Variants in LINGO2 observed in about 807,000 individuals in gnomAD.
LINGO2 encodes the protein leucine-rich repeat and immunoglobulin-like domain-containing nogo receptor-interacting protein 2.
A neutral mutation model predicts 30.6 loss-of-function variants in LINGO2; 14 were observed. The observed-to-expected ratio is 0.46, with a 90% CI of 0.30 to 0.72. LINGO2 has a LOEUF of 0.72. Among genes scored for constraint, LINGO2 ranks in the 30% least tolerant of loss-of-function variants. The pLI, the probability that LINGO2 is intolerant of heterozygous loss-of-function variation, is 0.07. For synonymous variants in LINGO2, 317 were observed against 288.5 expected (o/e 1.10, Z -1.00); for missense variants, 729 against 751.7 (o/e 0.97, Z 0.35).
chr9:28,986,215 T>C, the LINGO2 span, among the ~76,000 whole-genome samples: 2 of 151,778 alleles, frequency 1.3e-5, no homozygotes, highest in East Asian at 3.9e-4. Flanking sequence ...CACTGGCTGA[T>C]GTGTGTGTGT....
the LINGO2 span, among the ~76,000 whole-genome samples, chr9:28,942,902 T>C: frequency 6.6e-6 from 1 of 152,174 alleles, no homozygotes; most frequent in Non-Finnish European, 1.5e-5. Flanking sequence ...ATGTGATCAT[T>C]ACATTTATCT....
At chr9:28,937,332 G>C in the LINGO2 span, among the ~76,000 whole-genome samples, 10 of 152,144 alleles carry the variant, frequency 6.6e-5, no homozygotes, top group Non-Finnish European at 2.9e-5. Flanking sequence ...TTCTTCTCCT[G>C]CTATGAACCT....
intron 4 of LINGO2, among the ~76,000 whole-genome samples, chr9:28,152,055 A>G (rs192723187): frequency 2.4e-4 from 36 of 152,358 alleles, no homozygotes; most frequent in African/African-American, 7.7e-4. Context: ...TTAATAAAGT[A>G]TAGAACTGGC....
At chr9:28,842,267 A>T in the LINGO2 span, among the ~76,000 whole-genome samples, 2 of 151,886 alleles carry the variant, frequency 1.3e-5, no homozygotes, top group Non-Finnish European at 2.9e-5. Context: ...TATTCCTCAT[A>T]TTAACTCTAC....
intron 1 of LINGO2, among the ~76,000 whole-genome samples, chr9:28,605,729 T>G (rs1284390134): frequency 1.3e-5 from 2 of 152,056 alleles, no homozygotes; most frequent in Non-Finnish European, 2.9e-5. Flanking sequence ...CTCAGGGGTG[T>G]GCAAACTGCA....
At chr9:28,941,090 T>C in the LINGO2 span, among the ~76,000 whole-genome samples, 2 of 151,850 alleles carry the variant, frequency 1.3e-5, no homozygotes, top group Non-Finnish European at 2.9e-5. Context: ...GGAATTCAGC[T>C]GAAATAAAAT....
intron 4 of LINGO2, among the ~76,000 whole-genome samples, chr9:28,050,807 C>T (rs1328235070): frequency 2.7e-5 from 4 of 150,870 alleles, no homozygotes. Context: ...TGATATAATG[C>T]ATTCACATAG....
intron 5 of LINGO2, among the ~76,000 whole-genome samples, chr9:27,970,800 T>G (rs1412809562): frequency 6.6e-6 from 1 of 151,932 alleles, no homozygotes; most frequent in African/African-American, 2.4e-5. Flanking sequence ...CATCAAGACA[T>G]CAAAGATATA....
intron 3 of LINGO2, among the ~76,000 whole-genome samples, chr9:28,328,457 T>C (rs954275157): frequency 3.3e-5 from 5 of 152,258 alleles, no homozygotes; most frequent in African/African-American, 9.6e-5. Context: ...AGCATCCTTG[T>C]AGAATATGTT....
At chr9:28,054,889 G>A (rs970828568) in intron 4 of LINGO2, among the ~76,000 whole-genome samples, 2 of 152,016 alleles carry the variant, frequency 1.3e-5, no homozygotes, top group African/African-American at 4.8e-5. Context: ...AAATATCCAA[G>A]CACTACTTTC....
At chr9:28,082,191 CA>C (rs1258551585) in intron 4 of LINGO2, among the ~76,000 whole-genome samples, 1 of 152,088 alleles carries the variant, frequency 6.6e-6, no homozygotes, top group East Asian at 1.9e-4. Context: ...CAAAACAAAA[CA>C]AAAATCACCT....
chr9:28,829,837 C>A, the LINGO2 span, among the ~76,000 whole-genome samples: 15 of 152,094 alleles, frequency 9.9e-5, no homozygotes, highest in East Asian at 2.9e-3. Context: ...TTGCAGTGAG[C>A]CAAGATCATG....
chr9:28,001,787 G>A (rs1340810073), intron 5 of LINGO2, among the ~76,000 whole-genome samples: 1 of 152,120 alleles, frequency 6.6e-6, no homozygotes, highest in Non-Finnish European at 1.5e-5. Flanking sequence ...TTTACAAGAG[G>A]CTTACAATCT....
intron 5 of LINGO2, among the ~76,000 whole-genome samples, chr9:27,990,230 A>G (rs1821325508): frequency 6.6e-6 from 1 of 152,064 alleles, no homozygotes; most frequent in Admixed American, 6.6e-5. Context: ...ACAAGATTCA[A>G]CATAATAGAA....
At chr9:28,882,685 T>C in the LINGO2 span, among the ~76,000 whole-genome samples, 1 of 152,172 alleles carries the variant, frequency 6.6e-6, no homozygotes, top group African/African-American at 2.4e-5. Flanking sequence ...TTGTCTGTCA[T>C]TGTCCTACAC....
chr9:28,258,932 A>C (rs1295877119), intron 4 of LINGO2, among the ~76,000 whole-genome samples: 4 of 151,610 alleles, frequency 2.6e-5, no homozygotes, highest in Non-Finnish European at 4.4e-5. Context: ...AAAAAAAAAA[A>C]CATTAAGTTT....
At chr9:28,338,033 T>C (rs1463736074) in intron 3 of LINGO2, among the ~76,000 whole-genome samples, 1 of 152,086 alleles carries the variant, frequency 6.6e-6, no homozygotes, top group Non-Finnish European at 1.5e-5. Flanking sequence ...GCATGTACCA[T>C]GCACCTGGAA....
At chr9:28,902,477 T>A in the LINGO2 span, among the ~76,000 whole-genome samples, 1 of 152,050 alleles carries the variant, frequency 6.6e-6, no homozygotes, top group African/African-American at 2.4e-5. Flanking sequence ...AATGAACAGA[T>A]CATCTAGACA....
chr9:29,004,600 A>AT, the LINGO2 span, among the ~76,000 whole-genome samples: 1 of 151,980 alleles, frequency 6.6e-6, no homozygotes, highest in Non-Finnish European at 1.5e-5. Context: ...AGGGACAACT[A>AT]TATCTACTGA....
Sources: gnomAD v4.1 joint callset for allele counts (sites outside exome capture counted in the v4.1 genomes callset) on GRCh38, gnomAD v4.1.1 for gene constraint, MANE v1.5 for transcripts, NCBI Gene and HGNC (gene_info 2026-07-23, HGNC 2026-07-21) for gene names.